TTLL3: variants seen among roughly 807,000 people sequenced by gnomAD.
TTLL3 encodes tubulin monoglycylase TTLL3.
A neutral mutation model predicts 75.2 loss-of-function variants in TTLL3; 63 were observed. That is an observed-to-expected ratio of 0.84 (90% CI 0.68 to 1.03). The LOEUF (loss-of-function observed/expected upper bound fraction) is 1.03. Among genes scored for constraint, TTLL3 ranks in the 50% least tolerant of loss-of-function variants. The pLI is 0.00. For synonymous variants in TTLL3, 393 were observed against 418.5 expected (o/e 0.94, Z 0.74); for missense variants, 997 against 1,069.9 (o/e 0.93, Z 0.95).
intron 6 of TTLL3, 51 bp from the exon 7 acceptor site, chr3:9,818,771 A>G: frequency 6.2e-7 from 1 of 1,613,304 alleles, no homozygotes; most frequent in East Asian, 2.2e-5. Context: ...TGGAACCAGA[A>G]CAGGCCTCAA....
chr3:9,833,023 C>T (rs189779745), intron 11 of TTLL3, 81 bp from the exon 12 acceptor site: 59 of 1,544,656 alleles, frequency 3.8e-5, no homozygotes, highest in Admixed American at 3.6e-4. Flanking sequence ...TAATTCCACC[C>T]ATCTCTACTC....
chr3:9,832,929 C>T (rs2081699996), intron 11 of TTLL3, among the ~76,000 whole-genome samples, 175 bp from the exon 12 acceptor site: 1 of 152,174 alleles, frequency 6.6e-6, no homozygotes, highest in Non-Finnish European at 1.5e-5. Context: ...ATTCCTGGAG[C>T]TCTGTGACTC....
At chr3:9,833,378 C>CGAA in intron 12 of TTLL3, 133 bp downstream of exon 12, 1 of 1,388,490 alleles carries the variant, frequency 7.2e-7, no homozygotes, top group Non-Finnish European at 9.7e-7. Context: ...AAAGGCAAGG[C>CGAA]GAAAAGGGCC....
In TTLL3 at chr3:9,820,662, G is replaced by C. The variant is rs34069366; in HGVS notation, c.775G>C (p.Asp259His). 6.8e-6 allele frequency: 11 copies of C among 1,614,110 alleles called. No individual in the cohort carries two copies. In the East Asian group the frequency reaches 1.1e-4, roughly 16 times the overall value. ...YLSNLAHMDI[D>H]KDLEAPLYLT... ...TAGCAACTTGGCCCACATGGACATC[G>C]ACAAGGACCTGGAGGCCCCGCTGTA... Residue 259 changes from aspartate (D) to histidine (H), a missense_variant, in exon 8 of 14, where the codon GAC becomes CAC. Coordinates refer to ENST00000685419, the MANE Select transcript of TTLL3 (RefSeq NM_001387446.1).
intron 2 of TTLL3, among the ~76,000 whole-genome samples, chr3:9,811,549 A>C (rs1167524930): frequency 6.6e-6 from 1 of 152,202 alleles, no homozygotes; most frequent in African/African-American, 2.4e-5. Flanking sequence ...CTCCTAGGCA[A>C]ACTATGACAG....
chr3:9,817,659 C>G lies in TTLL3; in HGVS notation c.459C>G (p.Leu153=). 2 of 1,614,160 alleles carry G rather than the reference C, an allele frequency of 1.2e-6. No individual in the cohort carries two copies. Among genetic ancestry groups the G allele is most frequent in the Non-Finnish European group, 1.7e-6 (2 of 1,180,044 alleles). The part of the protein sequence containing the change: ...GSFTTKVGLC[L]NLRNLPWFDE... The stretch of plus-strand genomic sequence containing the variant: ...TAACTCCGTAGGTGGGTCTATGTCT[C>G]AATCTCCGGAATTTGCCGTGGTTTG... The change falls in exon 6 of 14, where the codon CTC becomes CTG. Residue 153 remains leucine, a synonymous_variant. Transcript: ENST00000685419.
At chr3:9,834,554 C>A (rs903601683) in intron 12 of TTLL3, 127 bp from the exon 13 acceptor site, 1 of 1,445,100 alleles carries the variant, frequency 6.9e-7, no homozygotes, top group Non-Finnish European at 9.4e-7. Flanking sequence ...GAGGAGGAAC[C>A]GGGAGGGCTC....
At chr3:9,832,061 C>A (rs547991316) in intron 11 of TTLL3, among the ~76,000 whole-genome samples, 1 of 147,528 alleles carries the variant, frequency 6.8e-6, no homozygotes, top group African/African-American at 2.5e-5. Flanking sequence ...AGAGAGCCAC[C>A]GCGCCCGGCA....
Position 9,835,316 on chromosome 3 carries a change from G to A in TTLL3, c.2275G>A (p.Gly759Arg), listed in dbSNP as rs1453607416. 1 of 1,614,092 alleles carries A rather than the reference G, an allele frequency of 6.2e-7. No individual in the cohort carries two copies. The highest frequency in any genetic ancestry group is 1.7e-5 in the Admixed American group (1 of 60,006). Residue 759 changes from glycine (G) to arginine (R), a missense_variant, in exon 14 of 14, where the codon GGG becomes AGG. Transcript: ENST00000685419. ...VGTFQRRRGL[G>R]DMKLGKPLLR... ...TACATTCCAGAGGCGCAGGGGCCTG[G>A]GGGATATGAAGCTAGGGAAGCCCCT...
Position 9,818,838 on chromosome 3 carries a change from T to G in TTLL3, c.576T>G (p.Thr192=). 1 of 1,614,122 alleles carries G rather than the reference T, an allele frequency of 6.2e-7. No homozygotes were observed. Among genetic ancestry groups the G allele is most frequent in the Non-Finnish European group, 8.5e-7 (1 of 1,180,002 alleles). ...TGGGAGCAGAGGACTTCTGGCTGAC[T>G]GCTGCCCGCAACGTTCTCAAGCTGG... ...KKAFIEDFWL[T]AARNVLKLVV... The change falls in exon 7 of 14, where the codon ACT becomes ACG. Residue 192 remains threonine, a synonymous_variant. Coordinates refer to ENST00000685419, the MANE Select transcript of TTLL3 (RefSeq NM_001387446.1).
intron 11 of TTLL3, among the ~76,000 whole-genome samples, chr3:9,830,342 T>C (rs1002355119): frequency 6.6e-6 from 1 of 152,068 alleles, no homozygotes. Context: ...CAAAAAGAGA[T>C]TGGAGTCTAC....
At chr3:9,810,119 G>A (rs1332897109), upstream of TTLL3, 11 of 1,466,466 alleles carry the variant, frequency 7.5e-6, no homozygotes, top group South Asian at 7.8e-5. This position sits in a 1 kb window ranked among gnomAD's most constrained non-coding sequence, Gnocchi z 4.4. Context: ...AACTGGCTGC[G>A]GAAGCCGCAG....
intron 4 of TTLL3, among the ~76,000 whole-genome samples, chr3:9,815,330 T>C (rs2079744462): frequency 6.6e-6 from 1 of 152,042 alleles, no homozygotes; most frequent in African/African-American, 2.4e-5. Context: ...CTTGGGCAAG[T>C]CACTTGCCTT....
At chr3:9,819,103 C>G in intron 7 of TTLL3, 183 bp downstream of exon 7, 1 of 760,042 alleles carries the variant, frequency 1.3e-6, no homozygotes, top group East Asian at 2.8e-5. Flanking sequence ...ACTCATCCAC[C>G]CACGTATTCA....
At position 9,816,379 on chromosome 3, in the gene TTLL3, C is replaced by T. The variant is rs560714738; in HGVS notation, c.444+177C>T. On this transcript the variant is annotated intron_variant, in intron 5 of 13. Transcript: ENST00000685419. ...GCAAGTTCAAATCCAGCCCCTGCAC[C>T]GTATCCGGCATTTGTAGATATGATG... 3.9e-5 allele frequency among the ~76,000 whole-genome samples: 6 copies of T among 152,246 alleles called. No individual in the cohort carries two copies. In the South Asian group the frequency reaches 6.2e-4, roughly 16 times the overall value.
intron 6 of TTLL3, chr3:9,818,374 C>CTT (rs903026874): frequency 5.2e-5 from 8 of 155,276 alleles, no homozygotes; most frequent in South Asian, 3.5e-4. Context: ...GGAGCAAGTT[C>CTT]TTTTTTTTTT....
intron 2 of TTLL3, among the ~76,000 whole-genome samples, chr3:9,811,734 C>T (rs1339493313): frequency 1.3e-5 from 2 of 152,224 alleles, no homozygotes; most frequent in African/African-American, 4.8e-5. Context: ...TGCCTACCTC[C>T]TCTGGGGCTT....
Position 9,810,808 on chromosome 3 carries a change from G to C in TTLL3, c.48+99G>C. 1.7e-6 allele frequency: 2 copies of C among 1,174,600 alleles called. No individual in the cohort carries two copies. Among genetic ancestry groups the C allele is most frequent in the Non-Finnish European group, 2.4e-6 (2 of 848,278 alleles). The allele number at this position is 1,174,600 out of a possible 1,614,324, so 72.8% of individuals were successfully genotyped here. ...ATATCCTTAAAAAACAAAAGCAAAA[G>C]AAAAAACAATAGCAAAAATCCTCAA... On this transcript the variant is annotated intron_variant, in intron 2 of 13. Transcript: ENST00000685419. The surrounding 1 kb of genome is among the most constrained non-coding windows in gnomAD (Gnocchi z 4.4).
chr3:9,830,284 G>A (rs2081399002), intron 11 of TTLL3, among the ~76,000 whole-genome samples: 1 of 152,174 alleles, frequency 6.6e-6, no homozygotes, highest in South Asian at 2.1e-4. Flanking sequence ...GCAATTACTG[G>A]TAGCTACTAT....
Sources: allele counts gnomAD v4.1 joint callset (sites outside exome capture counted in the v4.1 genomes callset), GRCh38; gene constraint gnomAD v4.1.1; non-coding constraint Gnocchi (gnomAD v3.1); transcripts MANE v1.5; gene names NCBI Gene and HGNC (gene_info 2026-07-23, HGNC 2026-07-21).